IL24: variants seen among roughly 807,000 people sequenced by gnomAD.
IL24 encodes interleukin 24.
A neutral mutation model predicts 27.6 loss-of-function variants in IL24; 24 were observed. The ratio of observed to expected loss-of-function variants is 0.87; its 90% CI spans 0.63 to 1.22. The LOEUF (loss-of-function observed/expected upper bound fraction) is 1.22. IL24 is among the 50% of genes most tolerant of loss of function. The pLI is 0.00. For synonymous variants in IL24, 99 were observed against 93.1 expected (o/e 1.06, Z -0.36); for missense variants, 240 against 237.0 (o/e 1.01, Z -0.08).
intron 6 of IL24, chr1:206,902,339 T>C (rs976583349): frequency 3.0e-6 from 3 of 985,228 alleles, no homozygotes; most frequent in African/African-American, 3.5e-5. Flanking sequence ...CTGTGTTTTG[T>C]AGGTACTTGG....
chr1:206,899,323 C>T lies in IL24; in HGVS notation c.48C>T (p.Pro16=). The T allele has an allele frequency of 6.2e-7, 1 of 1,613,676 alleles. No individual in the cohort carries two copies. Among genetic ancestry groups the T allele is most frequent in the East Asian group, 2.2e-5 (1 of 44,884 alleles). Residue 16 remains proline, a synonymous_variant, in exon 3 of 7, where the codon CCC becomes CCT. Coordinates refer to ENST00000294984, the MANE Select transcript of IL24 (RefSeq NM_006850.3). ...RLQSLWTLAR[P]FCPPLLATAS... ...CTGCCTCCCTTTCTTTCAGCAGACC[C>T]TTCTGCCCTCCTTTGCTGGCGACAG...
rs535005816 is a variant in IL24 at position 206,902,139 on chromosome 1, C to T, written c.537+67C>T. On this transcript the variant is annotated intron_variant, in intron 6 of 6. Coordinates refer to ENST00000294984, the MANE Select transcript of IL24 (RefSeq NM_006850.3). ...ACTAGTCTGCACCATCACACGAGGGCGCCTCAGAGACCCAATGCAGAATGT... is the reference window on the plus strand; with the variant it reads ...ACTAGTCTGCACCATCACACGAGGGTGCCTCAGAGACCCAATGCAGAATGT... 155 of 1,596,804 alleles carry T rather than the reference C, an allele frequency of 9.7e-5. 2 individuals are homozygous for T. Among genetic ancestry groups the T allele is most frequent in the Middle Eastern group, 8.4e-4 (5 of 5,988 alleles).
intron 2 of IL24, 61 bp downstream of exon 2, chr1:206,897,937 A>T: frequency 8.8e-7 from 1 of 1,139,758 alleles, no homozygotes; most frequent in Non-Finnish European, 1.3e-6. Flanking sequence ...CAGATCATTT[A>T]AGGTCAGGAG....
chr1:206,899,226 AT>A (rs1430890160), intron 2 of IL24, 93 bp from the exon 3 acceptor site: 16 of 1,318,990 alleles, frequency 1.2e-5, no homozygotes, highest in Non-Finnish European at 1.7e-5. Flanking sequence ...AGTGCTCGAG[AT>A]TGGCCCGGGG....
chr1:206,899,192 A>G (rs1558640192), intron 2 of IL24, 128 bp from the exon 3 acceptor site: 2 of 932,496 alleles, frequency 2.1e-6, no homozygotes, highest in South Asian at 1.8e-5. Context: ...CCGGTTTGCA[A>G]TAGTCTCAAC....
At chr1:206,901,902 T>C in intron 5 of IL24, 96 bp from the exon 6 acceptor site, 2 of 1,289,128 alleles carry the variant, frequency 1.6e-6, no homozygotes, top group Non-Finnish European at 2.2e-6. Context: ...CTCTCAGGCT[T>C]TGGGAGACCC....
chr1:206,897,684 G>C (rs1678212085), intron 1 of IL24, 47 bp from the exon 2 acceptor site: 1 of 654,944 alleles, frequency 1.5e-6, no homozygotes, highest in Non-Finnish European at 2.6e-6. Flanking sequence ...GTGAAAAGGG[G>C]TCAAGGTGGG....
At chr1:206,900,593 C>G (rs1356198208) in intron 4 of IL24, among the ~76,000 whole-genome samples, 1 of 152,178 alleles carries the variant, frequency 6.6e-6, no homozygotes, top group Non-Finnish European at 1.5e-5. Context: ...ACATCTTTCT[C>G]CATTTAGCCA....
chr1:206,898,164 C>CAAA (rs59175256), intron 2 of IL24, among the ~76,000 whole-genome samples: 1,202 of 99,848 alleles, frequency 0.012, 30 homozygotes, highest in African/African-American at 0.044. Context: ...GAAATTCTGT[C>CAAA]AAAAAAAAAA....
chr1:206,901,412 C>G, intron 4 of IL24, 82 bp from the exon 5 acceptor site: 1 of 1,470,188 alleles, frequency 6.8e-7, no homozygotes, highest in East Asian at 2.3e-5. Context: ...CTTATCTTGC[C>G]TTGGGTGGCA....
chr1:206,897,868 T>C lies in IL24; in HGVS notation c.36T>C (p.Thr12=). The C allele has an allele frequency of 6.2e-7, 1 of 1,603,370 alleles. No individual in the cohort carries two copies. Among genetic ancestry groups the C allele is most frequent in the South Asian group, 1.1e-5 (1 of 88,994 alleles). The part of the protein sequence containing the change: ...NFQQRLQSLW[T]LARPFCPPLL... ...AACAGAGGCTGCAAAGCCTGTGGAC[T>C]TTAGCCAGGTGCGGTGGCTCACACC... Residue 12 remains threonine, a synonymous_variant, in exon 2 of 7, where the codon ACT becomes ACC. Coordinates refer to ENST00000294984, the MANE Select transcript of IL24 (RefSeq NM_006850.3).
At chr1:206,899,289 C>A (rs774559941) in intron 2 of IL24, 31 bp from the exon 3 acceptor site, 1 of 1,606,546 alleles carries the variant, frequency 6.2e-7, no homozygotes, top group East Asian at 2.2e-5. Context: ...AGAGGGCCGG[C>A]CTCACAGGCT....
chr1:206,901,469 C>T (rs527270327), intron 4 of IL24, 25 bp from the exon 5 acceptor site: 3 of 1,598,488 alleles, frequency 1.9e-6, no homozygotes, highest in African/African-American at 1.3e-5. Flanking sequence ...GGCCTTGGCT[C>T]AGCAGTGACC....
At chr1:206,902,900 T>C in intron 6 of IL24, 76 bp from the exon 7 acceptor site, 1 of 1,611,112 alleles carries the variant, frequency 6.2e-7, no homozygotes, top group Admixed American at 1.7e-5. Flanking sequence ...TCAGGTCTAT[T>C]TTAGGCATGG....
Position 206,903,082 on chromosome 1 carries a change from C to T in IL24, c.*23C>T. 2 of 1,578,586 alleles carry T rather than the reference C, an allele frequency of 1.3e-6. No homozygotes were observed. The highest frequency in any genetic ancestry group is 1.7e-6 in the Non-Finnish European group (2 of 1,147,494). ...TGAATGTCTAGACCAGGACCTCCCT[C>T]CCCCTGGCACTGGTTTGTTCCCTGT... On this transcript the variant is annotated 3_prime_UTR_variant, in exon 7 of 7. Coordinates refer to ENST00000294984, the MANE Select transcript of IL24 (RefSeq NM_006850.3).
In IL24 at chr1:206,903,206, C is replaced by A; in HGVS notation, c.*147C>A. 1.4e-6 allele frequency: 1 copy of A among 690,696 alleles called. No individual in the cohort carries two copies. Among genetic ancestry groups the A allele is most frequent in the Non-Finnish European group, 2.6e-6 (1 of 391,946 alleles). The allele number at this position is 690,696 out of a possible 1,614,324, so 42.8% of individuals were successfully genotyped here. ...GGCCCAGGATTATTGTCAAAGAAGT[C>A]ATTCTTTAAGCAGCGCCAGTGACAG... is the stretch of plus-strand genomic sequence containing the variant. On this transcript the variant is annotated 3_prime_UTR_variant, in exon 7 of 7. Transcript: ENST00000294984.
Position 206,901,484 on chromosome 1 carries a change from C to A in IL24, c.304-10C>A, listed in dbSNP as rs762127091. 2 of 1,607,370 alleles carry A rather than the reference C, an allele frequency of 1.2e-6. No individual in the cohort carries two copies. Among genetic ancestry groups the A allele is most frequent in the Admixed American group, 1.7e-5 (1 of 59,672 alleles). On this transcript the variant is annotated splice_polypyrimidine_tract_variant and intron_variant, in intron 4 of 6. Coordinates refer to ENST00000294984, the MANE Select transcript of IL24 (RefSeq NM_006850.3). Reference sequence around the variant, plus strand: ...GGCCTTGGCTCAGCAGTGACCCAGACCTTCCCCAGGATGCTGAGAGCTGTT... The same window carrying A: ...GGCCTTGGCTCAGCAGTGACCCAGAACTTCCCCAGGATGCTGAGAGCTGTT...
intron 4 of IL24, 80 bp downstream of exon 4, chr1:206,900,437 T>C (rs1015262786): frequency 7.9e-7 from 1 of 1,258,074 alleles, no homozygotes; most frequent in African/African-American, 1.5e-5. Context: ...TAGGGGAGGT[T>C]GATGAAAGCC....
In IL24 at chr1:206,903,102, C is replaced by A. The variant is rs1456976317; in HGVS notation, c.*43C>A. 2.6e-6 allele frequency: 4 copies of A among 1,513,924 alleles called. No homozygotes were observed. Among genetic ancestry groups the A allele is most frequent in the South Asian group, 2.2e-5 (2 of 89,024 alleles). The allele number at this position is 1,513,924 out of a possible 1,614,324, so 93.8% of individuals were successfully genotyped here. On this transcript the variant is annotated 3_prime_UTR_variant, in exon 7 of 7. Coordinates refer to ENST00000294984, the MANE Select transcript of IL24 (RefSeq NM_006850.3). ...TCCCTCCCCCTGGCACTGGTTTGTT[C>A]CCTGTGTCATTTCAAACAGTCTCCC...
Sources: gnomAD v4.1 joint callset for allele counts (sites outside exome capture counted in the v4.1 genomes callset) on GRCh38, gnomAD v4.1.1 for gene constraint, MANE v1.5 for transcripts, NCBI Gene and HGNC (gene_info 2026-07-23, HGNC 2026-07-21) for gene names.